The following SIPA1L1 variants were observed in gnomAD, a reference collection of about 807,000 sequenced individuals.
SIPA1L1 encodes the protein signal induced proliferation associated 1 like 1.
Under a neutral mutation model 162.7 loss-of-function variants are expected in SIPA1L1, and 26 were observed. That is an observed-to-expected ratio of 0.16 (90% CI 0.12 to 0.22). The LOEUF (loss-of-function observed/expected upper bound fraction) is 0.22. SIPA1L1 is among the 10% of genes least tolerant of loss of function. The pLI, the probability that SIPA1L1 is intolerant of heterozygous loss-of-function variation, is 1.00. For missense variants in SIPA1L1, 1,874 were observed against 2,241.0 expected (o/e 0.84, Z 3.31); for synonymous variants, 829 against 837.4 (o/e 0.99, Z 0.17).
At chr14:71,706,200 GTTTT>G (rs1343568948) in intron 16 of SIPA1L1, among the ~76,000 whole-genome samples, 21 of 152,036 alleles carry the variant, frequency 1.4e-4, no homozygotes, top group African/African-American at 4.8e-4. Context: ...GAAGAGAAAG[GTTTT>G]CTGAGGAAAA....
intron 2 of SIPA1L1, among the ~76,000 whole-genome samples, chr14:71,467,875 A>G (rs2047129935): frequency 1.3e-5 from 2 of 151,440 alleles, no homozygotes; most frequent in Non-Finnish European, 2.9e-5. Flanking sequence ...AAAAAGAAAG[A>G]AAAAGTATTG....
At position 71,619,783 on chromosome 14, in the gene SIPA1L1, T is replaced by C. The variant is rs80255074; in HGVS notation, c.1629+896T>C. 1.6e-3 allele frequency among the ~76,000 whole-genome samples: 242 copies of C among 152,324 alleles called. 2 individuals carry two copies. The highest frequency in any genetic ancestry group is 0.01 in the Middle Eastern group (3 of 294). On this transcript the variant is annotated intron_variant, in intron 6 of 23. Coordinates refer to ENST00000381232, the MANE Select transcript of SIPA1L1 (RefSeq NM_001386936.1). ...TCCCCCATTGAATGCAAAGCAAGTT[T>C]CCGGGGTTGGCATCATTTAGTAATA... is the stretch of plus-strand genomic sequence containing the variant.
chr14:71,699,222 C>G, intron 14 of SIPA1L1, 95 bp downstream of exon 14: 2 of 1,206,878 alleles, frequency 1.7e-6, no homozygotes, highest in Admixed American at 2.0e-5. Flanking sequence ...TTCAGCCAGC[C>G]TTGATCAATT....
At chr14:71,566,105 C>G (rs1300239868) in intron 4 of SIPA1L1, among the ~76,000 whole-genome samples, 1 of 151,856 alleles carries the variant, frequency 6.6e-6, no homozygotes, top group Non-Finnish European at 1.5e-5. Flanking sequence ...AGTAAGATTA[C>G]TAGATATGAA....
intron 2 of SIPA1L1, among the ~76,000 whole-genome samples, chr14:71,360,408 C>T (rs76365234): frequency 0.058 from 8,853 of 152,218 alleles, 591 homozygotes; most frequent in African/African-American, 0.16. Context: ...AAAGCTTACA[C>T]GACCTGCCCA....
intron 12 of SIPA1L1, among the ~76,000 whole-genome samples, chr14:71,673,014 A>T (rs940976299): frequency 6.6e-6 from 1 of 152,180 alleles, no homozygotes; most frequent in African/African-American, 2.4e-5. Context: ...TGATGCTCTT[A>T]TTCTCTTCTC....
chr14:71,345,958 A>C (rs1459684072), intron 2 of SIPA1L1, among the ~76,000 whole-genome samples: 1 of 152,078 alleles, frequency 6.6e-6, no homozygotes, highest in Non-Finnish European at 1.5e-5. Flanking sequence ...GCCAGGCTGG[A>C]GTGCAGTGGC....
At chr14:71,658,297 A>T (rs772418152) in intron 8 of SIPA1L1, 36 bp from the exon 9 acceptor site, 2 of 965,594 alleles carry the variant, frequency 2.1e-6, no homozygotes, top group Middle Eastern at 2.1e-4. Flanking sequence ...TTTTCCTGTT[A>T]TAGTCATCTC....
At chr14:71,404,942 G>T (rs2041936693) in intron 2 of SIPA1L1, among the ~76,000 whole-genome samples, 1 of 152,162 alleles carries the variant, frequency 6.6e-6, no homozygotes, top group Admixed American at 6.5e-5. Context: ...TATTGTAATA[G>T]TTCATTCATT....
chr14:71,680,636 C>T (rs1301829125), intron 12 of SIPA1L1, among the ~76,000 whole-genome samples: 1 of 152,036 alleles, frequency 6.6e-6, no homozygotes, highest in Admixed American at 6.6e-5. Flanking sequence ...ATCAATGAAT[C>T]CAAGAGCTGG....
chr14:71,417,439 TC>T (rs2042857136), intron 2 of SIPA1L1, among the ~76,000 whole-genome samples: 2 of 101,066 alleles, frequency 2.0e-5, no homozygotes, highest in Admixed American at 1.7e-4. Context: ...GCCACTGCAC[TC>T]CAGCCTGGGC....
At chr14:71,675,671 A>G (rs537983639) in intron 12 of SIPA1L1, among the ~76,000 whole-genome samples, 21 of 152,330 alleles carry the variant, frequency 1.4e-4, no homozygotes, top group African/African-American at 4.6e-4. Flanking sequence ...TGTTCTTTGA[A>G]TAGTCATTCT....
At chr14:71,543,760 G>A (rs982491443) in intron 4 of SIPA1L1, among the ~76,000 whole-genome samples, 5 of 137,662 alleles carry the variant, frequency 3.6e-5, no homozygotes, top group East Asian at 2.1e-4. Flanking sequence ...AATTATCTTC[G>A]TTGTCTTTTA....
chr14:71,558,593 A>G (rs1298651393), intron 4 of SIPA1L1, among the ~76,000 whole-genome samples: 1 of 152,040 alleles, frequency 6.6e-6, no homozygotes, highest in Non-Finnish European at 1.5e-5. Context: ...TTGCTGTTGA[A>G]CGGGCATATG....
chr14:71,704,345 G>C (rs2082294077), intron 15 of SIPA1L1, among the ~76,000 whole-genome samples: 1 of 152,196 alleles, frequency 6.6e-6, no homozygotes. Flanking sequence ...CTAATGACTT[G>C]CACTGATTGA....
chr14:71,515,380 A>C (rs2051609241), intron 3 of SIPA1L1, among the ~76,000 whole-genome samples: 2 of 152,208 alleles, frequency 1.3e-5, no homozygotes, highest in Non-Finnish European at 2.9e-5. Context: ...TTCTATAGCA[A>C]TTCATTTTTT....
chr14:71,642,604 A>C (rs1439911535), intron 7 of SIPA1L1, among the ~76,000 whole-genome samples: 1 of 152,248 alleles, frequency 6.6e-6, no homozygotes, highest in African/African-American at 2.4e-5. Context: ...GAACAAAGTC[A>C]AAAATACTTT....
intron 13 of SIPA1L1, among the ~76,000 whole-genome samples, chr14:71,693,946 T>C (rs1478317392): frequency 1.3e-5 from 2 of 152,216 alleles, no homozygotes; most frequent in East Asian, 3.8e-4. Context: ...GCACTTGGGT[T>C]ACTGAGGGCC....
At chr14:71,731,758 C>T (rs1180588674) in intron 20 of SIPA1L1, among the ~76,000 whole-genome samples, 1 of 152,214 alleles carries the variant, frequency 6.6e-6, no homozygotes, top group Non-Finnish European at 1.5e-5. Context: ...GACTAGAGGC[C>T]CCATGTGAGT....
Sources: gnomAD v4.1 joint callset for allele counts (sites outside exome capture counted in the v4.1 genomes callset) on GRCh38, gnomAD v4.1.1 for gene constraint, MANE v1.5 for transcripts, NCBI Gene and HGNC (gene_info 2026-07-23, HGNC 2026-07-21) for gene names.